ARB2A: variants seen among roughly 807,000 people sequenced by gnomAD.
ARB2A encodes the protein ARB2 cotranscriptional regulator A.
At chr5:94,040,028 C>A in the ARB2A span, among the ~76,000 whole-genome samples, 1 of 151,936 alleles carries the variant, frequency 6.6e-6, no homozygotes, top group Non-Finnish European at 1.5e-5. Flanking sequence ...GGGCTGGAGG[C>A]ACCTCTTAAT....
the ARB2A span, among the ~76,000 whole-genome samples, chr5:93,664,310 G>A: frequency 6.6e-6 from 1 of 151,926 alleles, no homozygotes. Context: ...CAAACTCCTG[G>A]CCTCAAGCAA....
At chr5:93,930,818 ACT>A in the ARB2A span, among the ~76,000 whole-genome samples, 3 of 152,048 alleles carry the variant, frequency 2.0e-5, no homozygotes, top group Non-Finnish European at 4.4e-5. Flanking sequence ...CCATGAAAAT[ACT>A]CTTTTTATTT....
the ARB2A span, among the ~76,000 whole-genome samples, chr5:93,923,859 C>T: frequency 6.6e-6 from 1 of 152,110 alleles, no homozygotes; most frequent in African/African-American, 2.4e-5. Flanking sequence ...AAGGGATGCA[C>T]ACCCTTTAAG....
chr5:93,956,764 T>C, the ARB2A span, among the ~76,000 whole-genome samples: 1 of 151,678 alleles, frequency 6.6e-6, no homozygotes, highest in South Asian at 2.1e-4. Context: ...CCATCATCTT[T>C]CCCTCAACCA....
the ARB2A span, among the ~76,000 whole-genome samples, chr5:94,037,565 C>T: frequency 5.3e-5 from 8 of 152,128 alleles, no homozygotes; most frequent in Admixed American, 4.6e-4. Flanking sequence ...CATCTACCCA[C>T]ATTATTCTTC....
At chr5:93,914,445 CTA>C in the ARB2A span, among the ~76,000 whole-genome samples, 1 of 151,878 alleles carries the variant, frequency 6.6e-6, no homozygotes, top group African/African-American at 2.4e-5. Flanking sequence ...CAAAATAGTA[CTA>C]TCTTATTCAA....
the ARB2A span, among the ~76,000 whole-genome samples, chr5:93,705,200 G>C: frequency 6.6e-6 from 1 of 152,206 alleles, no homozygotes; most frequent in Non-Finnish European, 1.5e-5. Flanking sequence ...GCAAGTGGGA[G>C]ATTTGGCTTA....
At chr5:93,982,918 G>A in the ARB2A span, among the ~76,000 whole-genome samples, 1 of 152,080 alleles carries the variant, frequency 6.6e-6, no homozygotes, top group Non-Finnish European at 1.5e-5. Flanking sequence ...AGGCAGGCAT[G>A]GTGGCATGCA....
the ARB2A span, among the ~76,000 whole-genome samples, chr5:93,875,389 G>T: frequency 6.6e-6 from 1 of 152,044 alleles, no homozygotes; most frequent in Non-Finnish European, 1.5e-5. Flanking sequence ...CCACCACCAT[G>T]CCTGGCTAAT....
At chr5:93,903,786 G>C in the ARB2A span, among the ~76,000 whole-genome samples, 7 of 151,460 alleles carry the variant, frequency 4.6e-5, no homozygotes, top group East Asian at 1.4e-3. Flanking sequence ...CCACATAGCA[G>C]ATAGTCCTAG....
chr5:93,999,333 CAGTGAATCCATTCAGAGA>C, the ARB2A span, among the ~76,000 whole-genome samples: 2 of 151,862 alleles, frequency 1.3e-5, no homozygotes, highest in Non-Finnish European at 2.9e-5. Flanking sequence ...TGTCTGTATT[CAGTGAATCCATTCAGAGA>C]AGCACTAGTT....
the ARB2A span, among the ~76,000 whole-genome samples, chr5:93,656,050 C>G: frequency 6.6e-6 from 1 of 152,144 alleles, no homozygotes. Context: ...GTGTCTCCTC[C>G]CAGTGCCTAG....
chr5:93,638,976 T>G, the ARB2A span, among the ~76,000 whole-genome samples: 2 of 152,248 alleles, frequency 1.3e-5, no homozygotes, highest in African/African-American at 4.8e-5. Context: ...TTTTTTTCTT[T>G]GTAATTCTTA....
chr5:93,896,887 A>T, the ARB2A span, among the ~76,000 whole-genome samples: 2 of 152,072 alleles, frequency 1.3e-5, no homozygotes, highest in African/African-American at 4.8e-5. Context: ...TAAAAAATAC[A>T]TTAACATTTT....
the ARB2A span, among the ~76,000 whole-genome samples, chr5:93,926,218 C>T: frequency 6.6e-6 from 1 of 152,002 alleles, no homozygotes; most frequent in Admixed American, 6.6e-5. Flanking sequence ...CAACCTCTGC[C>T]TCCCGGTTTC....
the ARB2A span, among the ~76,000 whole-genome samples, chr5:93,719,662 A>T: frequency 6.6e-6 from 1 of 152,220 alleles, no homozygotes; most frequent in Non-Finnish European, 1.5e-5. Flanking sequence ...CTGTTAAAAC[A>T]TGTGTGCTAG....
chr5:93,620,864 C>T, the ARB2A span: 3 of 1,364,478 alleles, frequency 2.2e-6, no homozygotes, highest in East Asian at 7.5e-5. Context: ...ATGTATATAT[C>T]ACGACCCTGG....
the ARB2A span, among the ~76,000 whole-genome samples, chr5:93,846,236 G>T: frequency 6.6e-6 from 1 of 152,062 alleles, no homozygotes; most frequent in East Asian, 1.9e-4. Flanking sequence ...CAGTGTGGTG[G>T]CTCATGCCTG....
the ARB2A span, among the ~76,000 whole-genome samples, chr5:93,655,755 A>C: frequency 6.6e-6 from 1 of 152,258 alleles, no homozygotes; most frequent in Non-Finnish European, 1.5e-5. Context: ...CAGCCACAGG[A>C]CTAGGGACTA....
Sources: allele counts gnomAD v4.1 joint callset (sites outside exome capture counted in the v4.1 genomes callset), GRCh38; gene constraint gnomAD v4.1.1; transcripts MANE v1.5; gene names NCBI Gene and HGNC (gene_info 2026-07-23, HGNC 2026-07-21).